BTF3L4: variants seen among roughly 807,000 people sequenced by gnomAD.
The protein encoded by BTF3L4 is basic transcription factor 3 like 4, also known as transcription factor BTF3 homolog 4.
Under a neutral mutation model 16.8 loss-of-function variants are expected in BTF3L4, and 6 were observed. That is an observed-to-expected ratio of 0.36 (90% CI 0.20 to 0.71). BTF3L4 has a LOEUF of 0.71. Ranked by LOEUF, BTF3L4 falls within the 30% of genes least tolerant of loss-of-function variation. The pLI, the probability that BTF3L4 is intolerant of heterozygous loss-of-function variation, is 0.58. For missense variants in BTF3L4, 92 were observed against 186.9 expected (o/e 0.49, Z 2.96); for synonymous variants, 39 against 59.8 (o/e 0.65, Z 1.60).
intron 3 of BTF3L4, among the ~76,000 whole-genome samples, chr1:52,072,371 A>G (rs1020408245): frequency 1.3e-5 from 2 of 152,000 alleles, no homozygotes; most frequent in African/African-American, 2.4e-5. Context: ...TAACTATACA[A>G]TTCATTGGCA....
intron 2 of BTF3L4, among the ~76,000 whole-genome samples, chr1:52,063,966 C>T (rs2783195): frequency 0.034 from 5,127 of 152,284 alleles, 112 homozygotes; most frequent in African/African-American, 0.046. Flanking sequence ...CAGATCAAGT[C>T]ACTCCCATGC....
chr1:52,079,132 C>T (rs746394166), intron 3 of BTF3L4, among the ~76,000 whole-genome samples: 1 of 152,146 alleles, frequency 6.6e-6, no homozygotes, highest in Non-Finnish European at 1.5e-5. Flanking sequence ...TTCAGCCAAA[C>T]AATTCATCGT....
intron 2 of BTF3L4, among the ~76,000 whole-genome samples, chr1:52,061,632 A>AT (rs1686512542): frequency 8.1e-6 from 1 of 122,956 alleles, no homozygotes; most frequent in Non-Finnish European, 1.6e-5. Flanking sequence ...TGGTACAGCT[A>AT]TTCTTTTTTT....
intron 3 of BTF3L4, among the ~76,000 whole-genome samples, chr1:52,080,298 G>A (rs921860927): frequency 1.3e-5 from 2 of 152,102 alleles, no homozygotes; most frequent in Non-Finnish European, 2.9e-5. Flanking sequence ...CCTTGGGTAT[G>A]TTGCTAACAA....
intron 3 of BTF3L4, among the ~76,000 whole-genome samples, chr1:52,066,322 G>T (rs1686645927): frequency 6.7e-6 from 1 of 150,316 alleles, no homozygotes; most frequent in Admixed American, 6.6e-5. Context: ...CTCCAGAGTA[G>T]CTGGGATTAC....
chr1:52,074,230 A>G (rs1049644964), intron 3 of BTF3L4, among the ~76,000 whole-genome samples: 1 of 150,878 alleles, frequency 6.6e-6, no homozygotes, highest in African/African-American at 2.4e-5. Flanking sequence ...ATAGAGTCTC[A>G]CTCTATGCCC....
chr1:52,077,819 G>A (rs994861790), intron 3 of BTF3L4, among the ~76,000 whole-genome samples: 2 of 152,160 alleles, frequency 1.3e-5, no homozygotes, highest in African/African-American at 4.8e-5. Context: ...CAAAGGTAGG[G>A]ATTGTTAAGG....
At position 52,088,465 on chromosome 1, in the gene BTF3L4, C is replaced by T. The variant is rs1406955896; in HGVS notation, c.*1707C>T. The T allele has an allele frequency of 6.6e-6, 1 of 152,586 alleles. No individual in the cohort carries two copies. The highest frequency in any genetic ancestry group is 1.5e-5 in the Non-Finnish European group (1 of 68,032). 9.5% of individuals were successfully genotyped at this position (152,586 alleles called of 1,614,324 possible). A position where few individuals can be genotyped will look rare whatever the true frequency, so the allele number is the denominator to read the frequency against. ...TTTATATTATTCCTCTACCCTCCACCTGTAAATGAATGTTAGTGCAGTAAT... is the reference window on the plus strand; with the variant it reads ...TTTATATTATTCCTCTACCCTCCACTTGTAAATGAATGTTAGTGCAGTAAT... On this transcript the variant is annotated 3_prime_UTR_variant, in exon 6 of 6. Transcript: ENST00000313334.
intron 3 of BTF3L4, among the ~76,000 whole-genome samples, chr1:52,079,966 G>A (rs1019347356): frequency 9.3e-5 from 14 of 150,380 alleles, no homozygotes; most frequent in African/African-American, 3.4e-4. Context: ...CTTCCTCCCG[G>A]GTTCAAGCGA....
intron 2 of BTF3L4, among the ~76,000 whole-genome samples, chr1:52,062,253 G>A (rs1572020405): frequency 7.7e-6 from 1 of 129,208 alleles, no homozygotes; most frequent in African/African-American, 2.9e-5. Context: ...CCAGGCTGGA[G>A]TGCAGTGGCG....
At chr1:52,067,943 A>G (rs900217738) in intron 3 of BTF3L4, among the ~76,000 whole-genome samples, 1 of 152,190 alleles carries the variant, frequency 6.6e-6, no homozygotes, top group Non-Finnish European at 1.5e-5. Context: ...ATTGCCATGT[A>G]TACGTACCTT....
At chr1:52,059,294 C>T (rs1415374681) in intron 1 of BTF3L4, among the ~76,000 whole-genome samples, 1 of 152,172 alleles carries the variant, frequency 6.6e-6, no homozygotes, top group Non-Finnish European at 1.5e-5. Flanking sequence ...GAATAGAGGA[C>T]ATGACTACTT....
At chr1:52,066,793 C>T (rs1686662706) in intron 3 of BTF3L4, among the ~76,000 whole-genome samples, 1 of 150,960 alleles carries the variant, frequency 6.6e-6, no homozygotes. Flanking sequence ...TTGCAGTGAG[C>T]CGAGACCACG....
chr1:52,062,754 A>G (rs1686549795), intron 2 of BTF3L4, among the ~76,000 whole-genome samples: 1 of 152,226 alleles, frequency 6.6e-6, no homozygotes, highest in African/African-American at 2.4e-5. Context: ...CGCTATTGCT[A>G]GAGTCTAAGG....
rs376826257 is a variant in BTF3L4 at position 52,075,036 on chromosome 1, C to T, written c.169-8304C>T. Reference sequence around the variant, plus strand: ...CCTCCCAAGGTGCTAGGATTACGGGCATGAGCCACCACACCCGGCCAATAA... The same window carrying T: ...CCTCCCAAGGTGCTAGGATTACGGGTATGAGCCACCACACCCGGCCAATAA... On this transcript the variant is annotated intron_variant, in intron 3 of 5. Transcript: ENST00000313334. Among the ~76,000 whole-genome samples, 7 of 151,210 alleles carry T rather than the reference C, an allele frequency of 4.6e-5. No homozygotes were observed. The East Asian group carries it at 1.4e-3, about 30-fold the overall frequency.
At chr1:52,082,756 T>C (rs1643936267) in intron 3 of BTF3L4, among the ~76,000 whole-genome samples, 1 of 149,298 alleles carries the variant, frequency 6.7e-6, no homozygotes, top group South Asian at 2.1e-4. Flanking sequence ...AAAAAAAAAT[T>C]AGAAGAACTA....
At chr1:52,058,091 A>AT (rs1686420594) in intron 1 of BTF3L4, among the ~76,000 whole-genome samples, 1 of 152,170 alleles carries the variant, frequency 6.6e-6, no homozygotes, top group Non-Finnish European at 1.5e-5. Context: ...TCATGGCCAC[A>AT]TTCCTTTGAG....
chr1:52,071,178 G>A (rs998908922), intron 3 of BTF3L4: 1 of 152,092 alleles, frequency 6.6e-6, no homozygotes, highest in Non-Finnish European at 1.5e-5. Context: ...AGTTTATTTG[G>A]TAAGAAGTGT....
At chr1:52,084,372 G>A (rs1426655703) in intron 4 of BTF3L4, among the ~76,000 whole-genome samples, 1 of 151,958 alleles carries the variant, frequency 6.6e-6, no homozygotes, top group African/African-American at 2.4e-5. Flanking sequence ...TGAGCTCCTG[G>A]CCTCAAGTGA....
Sources: gnomAD v4.1 joint callset for allele counts (sites outside exome capture counted in the v4.1 genomes callset) on GRCh38, gnomAD v4.1.1 for gene constraint, MANE v1.5 for transcripts, NCBI Gene and HGNC (gene_info 2026-07-23, HGNC 2026-07-21) for gene names.